The following TBC1D4 variants were observed in gnomAD, a reference collection of about 807,000 sequenced individuals.
The protein encoded by TBC1D4 is TBC1 domain family member 4, also known as TBC (Tre-2, BUB2, CDC16) domain-containing protein.
In TBC1D4, 121 loss-of-function variants were observed where a neutral mutation model predicts 142.5. The observed-to-expected ratio is 0.85, with a 90% CI of 0.73 to 0.99. The LOEUF (loss-of-function observed/expected upper bound fraction) is 0.99, where lower values mean the gene tolerates loss of function less well. TBC1D4 is among the 50% of genes least tolerant of loss of function. The probability of loss-of-function intolerance (pLI) is 0.00; values close to 1 mark genes in which losing one functional copy is unlikely to be tolerated. For missense variants in TBC1D4, 1,475 were observed against 1,606.6 expected (o/e 0.92, Z 1.40); for synonymous variants, 630 against 628.2 (o/e 1.00, Z -0.04).
chr13:75,362,538 T>C lies in TBC1D4; in HGVS notation c.568A>G (p.Lys190Glu), dbSNP rs370970840. 101 of 1,614,138 alleles carry C rather than the reference T, an allele frequency of 6.3e-5. No homozygotes were observed. The highest frequency in any genetic ancestry group is 2.5e-4 in the East Asian group (11 of 44,892). The change falls in exon 2 of 21, where the codon AAA (lysine) becomes GAA (glutamate). Residue 190 changes from lysine (K) to glutamate (E), a missense_variant. Physicochemically the swap from Lys to Glu is moderately conservative, Grantham distance 56 (BLOSUM62 1). Coordinates refer to ENST00000377636, the MANE Select transcript of TBC1D4 (RefSeq NM_014832.5). This position sits in a 1 kb window ranked among gnomAD's most constrained non-coding sequence, Gnocchi z 4.2. ...TTGTAAAAGGCGTCCTCATTATCTT[T>C]GCTGGGTTTGGCATCCTCTTTCATG... ...AAMKEDAKPS[K>E]DNEDAFYNSQ...
Position 75,328,199 on chromosome 13 carries a change from T to C in TBC1D4, c.1732-373A>G, listed in dbSNP as rs149273144. Among the ~76,000 whole-genome samples, 229 of 152,292 alleles carry C rather than the reference T, an allele frequency of 1.5e-3. 1 individual carries two copies. The highest frequency in any genetic ancestry group is 4.7e-3 in the African/African-American group (195 of 41,578). ...AAAAGCTATGCAGAAAATGACTTAA[T>C]ACATACAACCTAGATCAAAACATCA... On this transcript the variant is annotated intron_variant, in intron 8 of 20. Coordinates refer to ENST00000377636, the MANE Select transcript of TBC1D4 (RefSeq NM_014832.5).
At chr13:75,324,916 A>G (rs536270581) in intron 10 of TBC1D4, among the ~76,000 whole-genome samples, 47 of 152,338 alleles carry the variant, frequency 3.1e-4, no homozygotes, top group Admixed American at 5.9e-4. Flanking sequence ...TCCTGAGGAC[A>G]GTGGAATTGT....
chr13:75,303,997 C>T (rs564968841), intron 15 of TBC1D4, among the ~76,000 whole-genome samples: 8 of 152,144 alleles, frequency 5.3e-5, no homozygotes, highest in African/African-American at 1.9e-4. Context: ...TTTCACACAC[C>T]ATTTGACTCA....
intron 1 of TBC1D4, among the ~76,000 whole-genome samples, chr13:75,373,767 G>T (rs147707274): frequency 6.6e-6 from 1 of 152,122 alleles, no homozygotes; most frequent in African/African-American, 2.4e-5. Flanking sequence ...CATCATCTAC[G>T]AAAGGTTCTG....
chr13:75,336,916 C>A lies in TBC1D4; in HGVS notation c.1731+5G>T. 6.2e-7 allele frequency: 1 copy of A among 1,613,490 alleles called. No individual in the cohort carries two copies. Among genetic ancestry groups the A allele is most frequent in the South Asian group, 1.1e-5 (1 of 91,056 alleles). ...ATACTTGAAAGACCATTGGTGCAAT[C>A]TTACCCTTGAGAAGATATTTTCCAG... On this transcript the variant is annotated splice_donor_5th_base_variant and intron_variant, in intron 8 of 20. Transcript: ENST00000377636.
chr13:75,286,557 T>TTA lies in TBC1D4; in HGVS notation c.*233_*234dup, dbSNP rs931079932. On this transcript the variant is annotated 3_prime_UTR_variant, in exon 21 of 21. Coordinates refer to ENST00000377636, the MANE Select transcript of TBC1D4 (RefSeq NM_014832.5). ...TCTGAAAGCATGAACTATGTTCATT[T>TTA]TATATATATATTTATATGTACATAG... 1.7e-5 allele frequency: 7 copies of TTA among 421,896 alleles called. No homozygotes were observed. Among genetic ancestry groups the TTA allele is most frequent in the African/African-American group, 3.9e-5 (2 of 50,644 alleles). The allele number at this position is 421,896 out of a possible 1,614,324, so 26.1% of individuals were successfully genotyped here.
At chr13:75,439,064 T>C (rs1403809662) in intron 1 of TBC1D4, among the ~76,000 whole-genome samples, 1 of 152,186 alleles carries the variant, frequency 6.6e-6, no homozygotes, top group Non-Finnish European at 1.5e-5. Flanking sequence ...AACATCACTA[T>C]TAATGCTTCC....
At chr13:75,398,900 C>A (rs1884939125) in intron 1 of TBC1D4, among the ~76,000 whole-genome samples, 1 of 152,140 alleles carries the variant, frequency 6.6e-6, no homozygotes, top group South Asian at 2.1e-4. Flanking sequence ...AAGGGGCTGT[C>A]CCACAGCAAC....
intron 3 of TBC1D4, 76 bp downstream of exon 3, chr13:75,359,693 C>G: frequency 8.4e-7 from 1 of 1,193,704 alleles, no homozygotes; most frequent in Non-Finnish European, 1.2e-6. Context: ...TGAAGGGGGT[C>G]AAGCCCACTT....
intron 15 of TBC1D4, among the ~76,000 whole-genome samples, chr13:75,303,362 C>A (rs926174474): frequency 1.3e-5 from 2 of 152,132 alleles, no homozygotes; most frequent in African/African-American, 4.8e-5. Flanking sequence ...GAAGGCGTAA[C>A]TGATATGCTC....
At position 75,329,853 on chromosome 13, in the gene TBC1D4, A is replaced by T. The variant is rs536484681; in HGVS notation, c.1732-2027T>A. On this transcript the variant is annotated intron_variant, in intron 8 of 20. Coordinates refer to ENST00000377636, the MANE Select transcript of TBC1D4 (RefSeq NM_014832.5). Reference sequence around the variant, plus strand: ...ATTGCTCAAATGTCCTTTGTTTCAGAAGTCTAAAGCCATTGTGATTCTAGA... The same window carrying T: ...ATTGCTCAAATGTCCTTTGTTTCAGTAGTCTAAAGCCATTGTGATTCTAGA... Among the ~76,000 whole-genome samples the T allele has an allele frequency of 2.0e-4, 31 of 152,320 alleles. No individual in the cohort carries two copies. The South Asian group carries it at 6.0e-3, about 30-fold the overall frequency.
chr13:75,292,586 T>C (rs897801021), intron 18 of TBC1D4, among the ~76,000 whole-genome samples: 8 of 152,222 alleles, frequency 5.3e-5, no homozygotes, highest in East Asian at 1.9e-4. Flanking sequence ...AGTTATTCAA[T>C]TGATATTTAG....
intron 15 of TBC1D4, 24 bp from the exon 16 acceptor site, chr13:75,302,425 C>G: frequency 8.7e-6 from 14 of 1,613,904 alleles, no homozygotes; most frequent in Non-Finnish European, 1.1e-5. Flanking sequence ...GATAAATAAC[C>G]AAGGCCTTGA....
At chr13:75,434,246 A>G (rs554120294) in intron 1 of TBC1D4, among the ~76,000 whole-genome samples, 6 of 152,312 alleles carry the variant, frequency 3.9e-5, no homozygotes, top group African/African-American at 9.6e-5. Flanking sequence ...TAGCAAAGAC[A>G]TGGAATCAAC....
At position 75,306,787 on chromosome 13, in the gene TBC1D4, G is replaced by A. The variant is rs540364809; in HGVS notation, c.2594-316C>T. Reference sequence around the variant, plus strand: ...TTTTCCATTTTTTGACACCACTGAAGTGTTAATATTTTATATGTGCCATAC... The same window carrying A: ...TTTTCCATTTTTTGACACCACTGAAATGTTAATATTTTATATGTGCCATAC... On this transcript the variant is annotated intron_variant, in intron 14 of 20. Coordinates refer to ENST00000377636, the MANE Select transcript of TBC1D4 (RefSeq NM_014832.5). 4.0e-4 allele frequency among the ~76,000 whole-genome samples: 61 copies of A among 152,222 alleles called. 1 individual carries two copies. The Middle Eastern group carries it at 0.017, about 42-fold the overall frequency.
chr13:75,329,016 T>C (rs1344146424), intron 8 of TBC1D4, among the ~76,000 whole-genome samples: 4 of 152,136 alleles, frequency 2.6e-5, no homozygotes, highest in Admixed American at 6.5e-5. Context: ...TACCGTTCCT[T>C]AAGCTTTCCA....
chr13:75,440,282 C>T (rs1886980258), intron 1 of TBC1D4, among the ~76,000 whole-genome samples: 1 of 151,946 alleles, frequency 6.6e-6, no homozygotes, highest in South Asian at 2.1e-4. Context: ...GGAGCAGAAC[C>T]CTGGAGAAGT....
chr13:75,400,108 G>A (rs1364101419), intron 1 of TBC1D4, among the ~76,000 whole-genome samples: 1 of 152,110 alleles, frequency 6.6e-6, no homozygotes, highest in African/African-American at 2.4e-5. Flanking sequence ...CAAAATAGTG[G>A]GCAAATAAAC....
chr13:75,296,810 A>G (rs1038293628), intron 17 of TBC1D4, among the ~76,000 whole-genome samples: 2 of 152,182 alleles, frequency 1.3e-5, no homozygotes, highest in Non-Finnish European at 2.9e-5. Flanking sequence ...GACAAGATAC[A>G]TGTATTTAAA....
Sources: allele counts gnomAD v4.1 joint callset (sites outside exome capture counted in the v4.1 genomes callset), GRCh38; gene constraint gnomAD v4.1.1; non-coding constraint Gnocchi (gnomAD v3.1); transcripts MANE v1.5; gene names NCBI Gene and HGNC (gene_info 2026-07-23, HGNC 2026-07-21).